Variants in SCP2 observed in about 807,000 individuals in gnomAD.
SCP2 encodes sterol carrier protein 2.
SCP2 carries 48 observed loss-of-function variants against 71.4 expected under a neutral mutation model. The ratio of observed to expected loss-of-function variants is 0.67; its 90% CI spans 0.53 to 0.86. The LOEUF is 0.86. SCP2 is among the 40% of genes least tolerant of loss of function. SCP2 has a pLI of 0.00. For missense variants in SCP2, 560 were observed against 655.6 expected, an observed-to-expected ratio of 0.85 and a Z score of 1.59; for synonymous variants, 220 against 218.1, an observed-to-expected ratio of 1.01 and a Z score of -0.08.
intron 7 of SCP2, among the ~76,000 whole-genome samples, chr1:52,975,355 A>G (rs970421290): frequency 1.3e-5 from 2 of 151,966 alleles, no homozygotes; most frequent in Non-Finnish European, 2.9e-5. Flanking sequence ...TAATTTTTGT[A>G]TTTTTAGTAG....
At chr1:52,931,861 C>A (rs759174027) in intron 1 of SCP2, among the ~76,000 whole-genome samples, 1 of 151,624 alleles carries the variant, frequency 6.6e-6, no homozygotes, top group Admixed American at 6.6e-5. Flanking sequence ...ACTTAGGGAA[C>A]AAAAGAAAAC....
chr1:53,037,884 A>ACGCGTG (rs147425374), intron 13 of SCP2, among the ~76,000 whole-genome samples: 1 of 70,640 alleles, frequency 1.4e-5, no homozygotes, highest in African/African-American at 7.6e-5. Context: ...CTACATACAC[A>ACGCGTG]CACACACACA....
intron 13 of SCP2, among the ~76,000 whole-genome samples, chr1:53,032,449 T>G (rs1428165837): frequency 2.0e-5 from 3 of 152,108 alleles, no homozygotes; most frequent in Non-Finnish European, 4.4e-5. Flanking sequence ...GCATGTGAGC[T>G]GAGATTTGAA....
chr1:52,984,988 C>T (rs1196169781), intron 10 of SCP2, among the ~76,000 whole-genome samples: 1 of 151,550 alleles, frequency 6.6e-6, no homozygotes, highest in African/African-American at 2.4e-5. Context: ...TACAGGGGTA[C>T]ACCACCACGC....
chr1:53,024,098 T>C (rs1661937324), intron 12 of SCP2, among the ~76,000 whole-genome samples: 1 of 152,172 alleles, frequency 6.6e-6, no homozygotes, highest in Non-Finnish European at 1.5e-5. Flanking sequence ...TCTGATTTGT[T>C]CATCTTAAAA....
intron 11 of SCP2, among the ~76,000 whole-genome samples, chr1:53,007,578 A>G (rs981309926): frequency 6.6e-6 from 1 of 152,218 alleles, no homozygotes; most frequent in Non-Finnish European, 1.5e-5. Flanking sequence ...TTTGAAGCCA[A>G]TGAGAACAAA....
At chr1:53,034,309 C>CA (rs1186134432) in intron 13 of SCP2, among the ~76,000 whole-genome samples, 1 of 151,864 alleles carries the variant, frequency 6.6e-6, no homozygotes, top group Non-Finnish European at 1.5e-5. Flanking sequence ...TCGATGTATG[C>CA]ATCAATGTGG....
At chr1:52,960,674 GTA>G (rs1014260806) in intron 5 of SCP2, among the ~76,000 whole-genome samples, 4 of 147,250 alleles carry the variant, frequency 2.7e-5, no homozygotes, top group Admixed American at 1.4e-4. Context: ...ATATGTATGT[GTA>G]TATATATGTA....
At chr1:53,009,377 T>C (rs920248089) in intron 11 of SCP2, among the ~76,000 whole-genome samples, 5 of 152,162 alleles carry the variant, frequency 3.3e-5, no homozygotes, top group African/African-American at 1.2e-4. Flanking sequence ...CTTCAAACTA[T>C]ACTACAAGGC....
intron 1 of SCP2, among the ~76,000 whole-genome samples, chr1:52,936,679 C>T (rs1286191534): frequency 1.3e-5 from 2 of 152,192 alleles, no homozygotes; most frequent in Non-Finnish European, 2.9e-5. Flanking sequence ...AATTAAAAGA[C>T]ACTTTTTTAA....
chr1:52,962,317 C>A (rs545206901), intron 6 of SCP2, among the ~76,000 whole-genome samples: 2 of 152,248 alleles, frequency 1.3e-5, no homozygotes, highest in African/African-American at 2.4e-5. Flanking sequence ...TCAGTCTATC[C>A]ATTTCTCACC....
chr1:52,960,171 G>A (rs1656211442), intron 5 of SCP2, among the ~76,000 whole-genome samples: 1 of 152,200 alleles, frequency 6.6e-6, no homozygotes, highest in East Asian at 1.9e-4. Flanking sequence ...TTACAGGTAT[G>A]AGCCATGGCG....
At chr1:52,936,733 T>G (rs546193930) in intron 1 of SCP2, among the ~76,000 whole-genome samples, 10 of 152,254 alleles carry the variant, frequency 6.6e-5, no homozygotes, top group Non-Finnish European at 4.4e-5. Flanking sequence ...GGATGCGTAT[T>G]TGGGTGATAA....
In SCP2 at chr1:52,927,296, G is replaced by A. The variant is rs547050230; in HGVS notation, c.-101G>A. ...CTCTCACGCGCCTGTGTTGCCGCCCGCGGCCCTGGCTTCGGGCTTCAGGGA... is the reference window on the plus strand; with the variant it reads ...CTCTCACGCGCCTGTGTTGCCGCCCACGGCCCTGGCTTCGGGCTTCAGGGA... On this transcript the variant is annotated 5_prime_UTR_variant, in exon 1 of 16. Transcript: ENST00000371514. The A allele has an allele frequency of 2.7e-5, 23 of 842,164 alleles. No individual in the cohort carries two copies. In the South Asian group the frequency reaches 3.1e-4, roughly 11 times the overall value. 52.2% of individuals were successfully genotyped at this position (842,164 alleles called of 1,614,324 possible). A position where few individuals can be genotyped will look rare whatever the true frequency, so the allele number is the denominator to read the frequency against.
intron 1 of SCP2, among the ~76,000 whole-genome samples, chr1:52,933,965 G>A (rs1572039793): frequency 6.6e-6 from 1 of 152,216 alleles, no homozygotes; most frequent in South Asian, 2.1e-4. Flanking sequence ...ATGCACTTAT[G>A]CATTCACAGG....
chr1:52,942,922 G>A (rs1280067278), intron 2 of SCP2, among the ~76,000 whole-genome samples: 1 of 151,792 alleles, frequency 6.6e-6, no homozygotes, highest in African/African-American at 2.4e-5. Context: ...GGCTGGCCTC[G>A]AACTCCTGAC....
At chr1:52,971,076 C>T (rs1657438747) in intron 6 of SCP2, among the ~76,000 whole-genome samples, 1 of 148,364 alleles carries the variant, frequency 6.7e-6, no homozygotes, top group Non-Finnish European at 1.5e-5. Flanking sequence ...CCCGGGTTCA[C>T]GCCATTCTCC....
At chr1:53,004,642 T>C (rs1453292056) in intron 11 of SCP2, among the ~76,000 whole-genome samples, 1 of 152,188 alleles carries the variant, frequency 6.6e-6, no homozygotes, top group Non-Finnish European at 1.5e-5. Flanking sequence ...GGGTATACCC[T>C]CCCTGCCTTT....
At chr1:53,022,802 C>T (rs2150238480) in intron 12 of SCP2, among the ~76,000 whole-genome samples, 1 of 152,240 alleles carries the variant, frequency 6.6e-6, no homozygotes, top group Non-Finnish European at 1.5e-5. Context: ...TCTGTGCTCT[C>T]AGTCTTTGAC....
Sources: allele counts gnomAD v4.1 joint callset (sites outside exome capture counted in the v4.1 genomes callset), GRCh38; gene constraint gnomAD v4.1.1; transcripts MANE v1.5; gene names NCBI Gene and HGNC (gene_info 2026-07-23, HGNC 2026-07-21).